PRUNE2: variants seen among roughly 807,000 people sequenced by gnomAD.
PRUNE2 encodes the protein protein prune homolog 2.
A neutral mutation model predicts 252.0 loss-of-function variants in PRUNE2; 164 were observed. The ratio of observed to expected loss-of-function variants is 0.65; its 90% CI spans 0.57 to 0.74. The LOEUF (loss-of-function observed/expected upper bound fraction) is 0.74. Among genes scored for constraint, PRUNE2 ranks in the 30% least tolerant of loss-of-function variants. The pLI, the probability that PRUNE2 is intolerant of heterozygous loss-of-function variation, is 0.00. For synonymous variants in PRUNE2, 1,292 were observed against 1,350.2 expected (o/e 0.96, Z 0.94); for missense variants, 3,495 against 3,711.0 (o/e 0.94, Z 1.51).
intron 9 of PRUNE2, among the ~76,000 whole-genome samples, chr9:76,690,717 T>C (rs1418763609): frequency 6.6e-6 from 1 of 152,226 alleles, no homozygotes; most frequent in African/African-American, 2.4e-5. Context: ...TATGAGGCAT[T>C]AAACCTTATT....
rs551741523 is a variant in PRUNE2 at position 76,656,557 on chromosome 9, A to G, written c.8277-1055T>C. Among the ~76,000 whole-genome samples, 5 of 152,288 alleles carry G rather than the reference A, an allele frequency of 3.3e-5. No homozygotes were observed. In the East Asian group the frequency reaches 9.6e-4, roughly 29 times the overall value. ...AAGTCAAATCCCCTACTGTCAATAAAGCACTATGATGAAAGAAAATAATCT... is the reference window on the plus strand; with the variant it reads ...AAGTCAAATCCCCTACTGTCAATAAGGCACTATGATGAAAGAAAATAATCT... On this transcript the variant is annotated intron_variant, in intron 9 of 18. Coordinates refer to ENST00000376718, the MANE Select transcript of PRUNE2 (RefSeq NM_015225.3).
At chr9:76,904,244 T>C (rs1317744433) in intron 1 of PRUNE2, among the ~76,000 whole-genome samples, 1 of 152,116 alleles carries the variant, frequency 6.6e-6, no homozygotes, top group Non-Finnish European at 1.5e-5. Flanking sequence ...CTTTTTTTTT[T>C]AATGATGTAG....
At chr9:76,655,913 A>T (rs1849032039) in intron 9 of PRUNE2, among the ~76,000 whole-genome samples, 1 of 152,218 alleles carries the variant, frequency 6.6e-6, no homozygotes, top group South Asian at 2.1e-4. Flanking sequence ...CCATGGACAG[A>T]GGGAGAGCAT....
At chr9:76,811,013 A>T (rs1409779523) in intron 6 of PRUNE2, among the ~76,000 whole-genome samples, 1 of 152,234 alleles carries the variant, frequency 6.6e-6, no homozygotes, top group Admixed American at 6.5e-5. Flanking sequence ...CAGGTCCCCA[A>T]ATCAGCAAAA....
intron 1 of PRUNE2, among the ~76,000 whole-genome samples, chr9:76,870,736 A>G (rs2061149530): frequency 6.6e-6 from 1 of 151,728 alleles, no homozygotes; most frequent in Non-Finnish European, 1.5e-5. Flanking sequence ...ATGTGGTGGT[A>G]GGGGATGTTG....
rs879671765 is a variant in PRUNE2, at chr9:76,768,615, GTGTGTGTGTA to G, written c.757-54904_757-54895del. ...TGTGTGTGTGTGTGTGTGTGTGTGT[GTGTGTGTGTA>G]TATCCCTGCTGACTAGATCATCAAC... On this transcript the variant is annotated intron_variant, in intron 6 of 18. Transcript: ENST00000376718. Among the ~76,000 whole-genome samples, 538 of 146,362 alleles carry G rather than the reference GTGTGTGTGTA, an allele frequency of 3.7e-3. 2 individuals are homozygous for G. Among genetic ancestry groups the G allele is most frequent in the Non-Finnish European group, 5.7e-3 (381 of 67,190 alleles).
At chr9:76,791,216 A>C (rs2055521414) in intron 6 of PRUNE2, among the ~76,000 whole-genome samples, 1 of 151,690 alleles carries the variant, frequency 6.6e-6, no homozygotes, top group Admixed American at 6.6e-5. Context: ...CATATACTGC[A>C]CCAATTATCA....
intron 9 of PRUNE2, among the ~76,000 whole-genome samples, chr9:76,665,759 C>T (rs1044695033): frequency 2.6e-5 from 4 of 152,132 alleles, no homozygotes; most frequent in African/African-American, 4.8e-5. Context: ...CCAGGCCAGG[C>T]GTGGTGGCTC....
In PRUNE2 at chr9:76,652,710, C is replaced by T. The variant is rs779156783; in HGVS notation, c.8357-27G>A. On this transcript the variant is annotated intron_variant, in intron 10 of 18. Transcript: ENST00000376718. ...TAAAGAAGAAAGAGAACAGCAACAT[C>T]AAGTATTAAACCAGAGGAGCAATCT... is the stretch of plus-strand genomic sequence containing the variant. The T allele has an allele frequency of 8.7e-6, 13 of 1,499,754 alleles. No homozygotes were observed. The Admixed American group carries it at 2.0e-4, about 23-fold the overall frequency. 92.9% of individuals were successfully genotyped at this position (1,499,754 alleles called of 1,614,324 possible).
chr9:76,706,825 G>A lies in PRUNE2; in HGVS notation c.5449C>T (p.Leu1817=). 2 of 1,598,938 alleles carry A rather than the reference G, an allele frequency of 1.3e-6. No homozygotes were observed. The highest frequency in any genetic ancestry group is 1.1e-5 in the South Asian group (1 of 88,466). The change falls in exon 8 of 19, where the codon CTG becomes TTG. Residue 1817 remains leucine, a synonymous_variant. Transcript: ENST00000376718. Reference sequence around the variant, plus strand: ...TCAGCTGAGAAGCCCAGCATTTCCAGTTGAGAATTATCTTCGTTCTTTGGG... The same window carrying A: ...TCAGCTGAGAAGCCCAGCATTTCCAATTGAGAATTATCTTCGTTCTTTGGG... The part of the protein sequence containing the change: ...SFPKNEDNSQ[L]EMLGFSADST...
chr9:76,727,171 T>C (rs2048171575), intron 6 of PRUNE2, among the ~76,000 whole-genome samples: 1 of 152,218 alleles, frequency 6.6e-6, no homozygotes, highest in South Asian at 2.1e-4. Context: ...CTCCCTGCCC[T>C]AGTTATGACA....
intron 1 of PRUNE2, among the ~76,000 whole-genome samples, chr9:76,885,782 T>C (rs2062051434): frequency 6.6e-6 from 1 of 152,136 alleles, no homozygotes; most frequent in Non-Finnish European, 1.5e-5. Context: ...AGTTTCCCCA[T>C]GTGCAAAATG....
chr9:76,670,045 G>A lies in PRUNE2; in HGVS notation c.8277-14543C>T, dbSNP rs530384646. ...GTGACTTAACAAAATCTTCGGGGAG[G>A]AGCCAAGATGGCCGAATAGGAACAG... is the stretch of plus-strand genomic sequence containing the variant. On this transcript the variant is annotated intron_variant, in intron 9 of 18. Coordinates refer to ENST00000376718, the MANE Select transcript of PRUNE2 (RefSeq NM_015225.3). Among the ~76,000 whole-genome samples the A allele has an allele frequency of 5.3e-5, 8 of 152,260 alleles. No homozygotes were observed. The South Asian group carries it at 1.7e-3, about 32-fold the overall frequency.
intron 15 of PRUNE2, 28 bp downstream of exon 15, chr9:76,636,443 T>A: frequency 7.6e-7 from 1 of 1,318,810 alleles, no homozygotes; most frequent in Non-Finnish European, 1.1e-6. Context: ...CTAGTAGTAC[T>A]TTTATTTTAT....
intron 1 of PRUNE2, among the ~76,000 whole-genome samples, chr9:76,875,286 T>C (rs566615461): frequency 6.6e-6 from 1 of 152,344 alleles, no homozygotes; most frequent in Non-Finnish European, 1.5e-5. Context: ...ACTGGAGATT[T>C]CTGGGTTGTA....
At chr9:76,792,031 C>T (rs549338885) in intron 6 of PRUNE2, among the ~76,000 whole-genome samples, 2 of 152,212 alleles carry the variant, frequency 1.3e-5, no homozygotes, top group South Asian at 4.2e-4. Context: ...ATCAGTGTTT[C>T]CTGTGCCTTT....
At chr9:76,800,174 A>G (rs2056447718) in intron 6 of PRUNE2, among the ~76,000 whole-genome samples, 1 of 151,994 alleles carries the variant, frequency 6.6e-6, no homozygotes, top group Non-Finnish European at 1.5e-5. Flanking sequence ...TACATTAGGT[A>G]TTTCTCCTAA....
chr9:76,844,890 G>A (rs909952119), intron 4 of PRUNE2, among the ~76,000 whole-genome samples: 2 of 151,606 alleles, frequency 1.3e-5, no homozygotes, highest in Non-Finnish European at 2.9e-5. Context: ...CCAGCCAGGT[G>A]CAGTAGCTCG....
chr9:76,670,401 A>C (rs2041134652), intron 9 of PRUNE2, among the ~76,000 whole-genome samples: 1 of 151,964 alleles, frequency 6.6e-6, no homozygotes, highest in Admixed American at 6.6e-5. Context: ...GGAGGGTCCT[A>C]CACCCACGGA....
Sources: gnomAD v4.1 joint callset for allele counts (sites outside exome capture counted in the v4.1 genomes callset) on GRCh38, gnomAD v4.1.1 for gene constraint, MANE v1.5 for transcripts, NCBI Gene and HGNC (gene_info 2026-07-23, HGNC 2026-07-21) for gene names.